Variants in PPP2R2B observed in about 807,000 individuals in gnomAD.
PPP2R2B encodes the protein protein phosphatase 2 regulatory subunit Bbeta, also known as serine/threonine-protein phosphatase 2A 55 kDa regulatory subunit B beta isoform.
PPP2R2B carries 5 observed loss-of-function variants against 46.0 expected under a neutral mutation model. The observed-to-expected ratio is 0.11, with a 90% CI of 0.06 to 0.23. The LOEUF (loss-of-function observed/expected upper bound fraction) is 0.23. Ranked by LOEUF, PPP2R2B falls within the 10% of genes least tolerant of loss-of-function variation. PPP2R2B has a pLI of 1.00. For synonymous variants in PPP2R2B, 215 were observed against 206.7 expected, an observed-to-expected ratio of 1.04 and a Z score of -0.34; for missense variants, 367 against 575.0, an observed-to-expected ratio of 0.64 and a Z score of 3.70.
At chr5:146,978,645 G>C (rs1753026579) in intron 1 of PPP2R2B, among the ~76,000 whole-genome samples, 1 of 152,040 alleles carries the variant, frequency 6.6e-6, no homozygotes, top group Non-Finnish European at 1.5e-5. Context: ...CCCATTTCTT[G>C]TTTTTGTCAG....
chr5:146,957,962 T>G (rs1010733424), intron 1 of PPP2R2B, among the ~76,000 whole-genome samples: 1 of 152,118 alleles, frequency 6.6e-6, no homozygotes, highest in African/African-American at 2.4e-5. Flanking sequence ...AAGATGTACC[T>G]GCTCAAAATA....
chr5:146,872,714 T>C (rs1761685186), intron 2 of PPP2R2B, among the ~76,000 whole-genome samples: 1 of 152,230 alleles, frequency 6.6e-6, no homozygotes, highest in Admixed American at 6.5e-5. Flanking sequence ...AAGACTGGAC[T>C]CTTCTTATCC....
At chr5:147,032,509 C>T (rs1019570407) in intron 1 of PPP2R2B, among the ~76,000 whole-genome samples, 1 of 151,970 alleles carries the variant, frequency 6.6e-6, no homozygotes, top group Non-Finnish European at 1.5e-5. Flanking sequence ...TCTCACCCCC[C>T]TCTCCCTCTT....
chr5:146,744,580 C>T (rs1247034172), intron 2 of PPP2R2B, among the ~76,000 whole-genome samples: 1 of 152,200 alleles, frequency 6.6e-6, no homozygotes, highest in Non-Finnish European at 1.5e-5. Flanking sequence ...CACCAGGGAA[C>T]CATCCTGTGT....
intron 2 of PPP2R2B, among the ~76,000 whole-genome samples, chr5:146,803,692 G>C (rs994596057): frequency 6.6e-6 from 1 of 152,138 alleles, no homozygotes; most frequent in African/African-American, 2.4e-5. Context: ...TCACCCTGGG[G>C]TAATGGTAAG....
intron 2 of PPP2R2B, among the ~76,000 whole-genome samples, chr5:146,867,305 C>T (rs1449793689): frequency 2.0e-5 from 3 of 152,106 alleles, no homozygotes; most frequent in Non-Finnish European, 2.9e-5. Context: ...GGGGACAGTT[C>T]ATGCAAGAAA....
At chr5:146,794,046 C>T (rs978063224) in intron 2 of PPP2R2B, among the ~76,000 whole-genome samples, 2 of 152,154 alleles carry the variant, frequency 1.3e-5, no homozygotes, top group African/African-American at 4.8e-5. Flanking sequence ...TTGAGAAATG[C>T]TATTATAGAA....
intron 1 of PPP2R2B, among the ~76,000 whole-genome samples, chr5:146,897,674 G>GA (rs1762689895): frequency 6.6e-6 from 1 of 152,052 alleles, no homozygotes; most frequent in Admixed American, 6.6e-5. Context: ...ATATACTGGA[G>GA]ACAACAGGGA....
chr5:146,938,908 G>T lies in PPP2R2B; in HGVS notation c.79+116757C>A, dbSNP rs577157319. ...CGATTCTCCTGCCTCAGCCTCCTGA[G>T]TAGCTGGGACTACAGGCGCATGCTG... On this transcript the variant is annotated intron_variant, in intron 1 of 8. Transcript: ENST00000336640. 9.9e-5 allele frequency among the ~76,000 whole-genome samples: 15 copies of T among 151,964 alleles called. No homozygotes were observed. The East Asian group carries it at 2.1e-3, about 22-fold the overall frequency.
intron 1 of PPP2R2B, among the ~76,000 whole-genome samples, chr5:147,044,211 A>G (rs1042489431): frequency 2.0e-5 from 3 of 152,076 alleles, no homozygotes; most frequent in Admixed American, 6.6e-5. Flanking sequence ...AAAGGGCCTC[A>G]GGTTTCTTAT....
Position 146,985,464 on chromosome 5 carries a change from C to A in PPP2R2B, c.79+70201G>T, listed in dbSNP as rs114998414. Among the ~76,000 whole-genome samples the A allele has an allele frequency of 7.9e-3, 1,205 of 152,162 alleles. 9 individuals are homozygous for A. Among genetic ancestry groups the A allele is most frequent in the African/African-American group, 0.026 (1,067 of 41,510 alleles). ...TTATCTGTGTTTTTGGGGTCAAATTCAAAAAATTATTGCCTAAACCAATGT... is the reference window on the plus strand; with the variant it reads ...TTATCTGTGTTTTTGGGGTCAAATTAAAAAAATTATTGCCTAAACCAATGT... On this transcript the variant is annotated intron_variant, in intron 1 of 8. Transcript: ENST00000336640.
intron 2 of PPP2R2B, among the ~76,000 whole-genome samples, chr5:147,078,432 C>G (rs1757860003): frequency 6.6e-6 from 1 of 152,070 alleles, no homozygotes. Flanking sequence ...AACAAGTCAT[C>G]TAGACTTGTG....
chr5:146,791,706 A>G (rs1056068769), intron 2 of PPP2R2B, among the ~76,000 whole-genome samples: 1 of 152,230 alleles, frequency 6.6e-6, no homozygotes, highest in Non-Finnish European at 1.5e-5. Context: ...CAGTTCTTCC[A>G]TATGTTATTT....
At chr5:147,008,819 T>C (rs577691702) in intron 1 of PPP2R2B, among the ~76,000 whole-genome samples, 2 of 152,300 alleles carry the variant, frequency 1.3e-5, no homozygotes, top group Middle Eastern at 6.8e-3. Flanking sequence ...AGTTTCTGTT[T>C]TGTTGATTGT....
chr5:146,587,002 C>T lies in PPP2R2B; in HGVS notation c.*2945G>A, dbSNP rs996330256. The T allele has an allele frequency of 2.6e-5, 4 of 152,186 alleles. No homozygotes were observed. Among genetic ancestry groups the T allele is most frequent in the Non-Finnish European group, 5.9e-5 (4 of 68,060 alleles). The allele number at this position is 152,186 out of a possible 1,614,324, so 9.4% of individuals were successfully genotyped here. On this transcript the variant is annotated 3_prime_UTR_variant, in exon 10 of 10. Coordinates refer to ENST00000394411, the MANE Select transcript of PPP2R2B (RefSeq NM_181675.4). Reference sequence around the variant, plus strand: ...GGATGGCGTGGCTTCCATTTTCCTTCATTCAACTGACACCCTCCAGTTGTA... The same window carrying T: ...GGATGGCGTGGCTTCCATTTTCCTTTATTCAACTGACACCCTCCAGTTGTA...
chr5:146,946,758 C>A (rs900104412), intron 1 of PPP2R2B, among the ~76,000 whole-genome samples: 1 of 152,024 alleles, frequency 6.6e-6, no homozygotes, highest in African/African-American at 2.4e-5. Context: ...TGTAAATGCT[C>A]AATTCATGCC....
intron 1 of PPP2R2B, among the ~76,000 whole-genome samples, chr5:146,885,625 T>C (rs1762296329): frequency 6.6e-6 from 1 of 152,204 alleles, no homozygotes; most frequent in African/African-American, 2.4e-5. Flanking sequence ...ATGTATATAT[T>C]GAAGAGAATT....
At chr5:146,937,075 GC>G (rs1764173133) in intron 1 of PPP2R2B, among the ~76,000 whole-genome samples, 1 of 152,162 alleles carries the variant, frequency 6.6e-6, no homozygotes, top group Non-Finnish European at 1.5e-5. Flanking sequence ...GCCAAGGCGG[GC>G]GGATGACCTG....
At chr5:146,969,113 A>G (rs1752557700) in intron 1 of PPP2R2B, among the ~76,000 whole-genome samples, 1 of 152,218 alleles carries the variant, frequency 6.6e-6, no homozygotes. Flanking sequence ...CTCTCATAGT[A>G]TGAACTGCTT....
Sources: gnomAD v4.1 joint callset for allele counts (sites outside exome capture counted in the v4.1 genomes callset) on GRCh38, gnomAD v4.1.1 for gene constraint, MANE v1.5 for transcripts, NCBI Gene and HGNC (gene_info 2026-07-23, HGNC 2026-07-21) for gene names.